Variants in XPO5 observed in about 807,000 individuals in gnomAD.
XPO5 encodes the protein exportin-5.
Under a neutral mutation model 160.6 loss-of-function variants are expected in XPO5, and 46 were observed. The observed-to-expected ratio is 0.29, with a 90% CI of 0.23 to 0.37. The LOEUF is 0.37. Among genes scored for constraint, XPO5 ranks in the 10% least tolerant of loss-of-function variants. The pLI, the probability that XPO5 is intolerant of heterozygous loss-of-function variation, is 1.00. For missense variants in XPO5, 1,090 were observed against 1,463.9 expected, an observed-to-expected ratio of 0.74 and a Z score of 4.17; for synonymous variants, 537 against 519.3, an observed-to-expected ratio of 1.03 and a Z score of -0.46.
At chr6:43,556,545 T>G (rs1349685769) in intron 12 of XPO5, among the ~76,000 whole-genome samples, 1 of 151,756 alleles carries the variant, frequency 6.6e-6, no homozygotes, top group Non-Finnish European at 1.5e-5. Context: ...AAAAAAAATT[T>G]TTAAAAAGTA....
intron 12 of XPO5, among the ~76,000 whole-genome samples, chr6:43,557,297 G>A (rs1249502808): frequency 2.0e-5 from 3 of 151,220 alleles, no homozygotes; most frequent in East Asian, 1.9e-4. Context: ...ATGATGGCAC[G>A]TGTGTGTAGT....
chr6:43,538,361 G>C (rs1794482513), intron 20 of XPO5, among the ~76,000 whole-genome samples: 1 of 151,836 alleles, frequency 6.6e-6, no homozygotes. Flanking sequence ...ATGTTGGCCA[G>C]GTTGGTCTCA....
Position 43,560,164 on chromosome 6 carries a change from T to G in XPO5, c.1221+14A>C. The G allele has an allele frequency of 5.6e-6, 9 of 1,611,184 alleles. No homozygotes were observed. The highest frequency in any genetic ancestry group is 7.6e-6 in the Non-Finnish European group (9 of 1,178,340). On this transcript the variant is annotated intron_variant, in intron 11 of 31. Coordinates refer to ENST00000265351, the MANE Select transcript of XPO5 (RefSeq NM_020750.3). ...TTCACCTACATTCCACATGTTTAGA[T>G]TCCCATTATATACCTTGACCAAGTT...
In XPO5 at chr6:43,551,469, A is replaced by G; in HGVS notation, c.1573-16T>C. On this transcript the variant is annotated splice_polypyrimidine_tract_variant and intron_variant, in intron 14 of 31. Coordinates refer to ENST00000265351, the MANE Select transcript of XPO5 (RefSeq NM_020750.3). ...CAGGAATTTCCTGTAACAAAGACAT[A>G]AAACAGGTTGACAATGGCTGCCTCC... 1.2e-6 allele frequency: 2 copies of G among 1,607,744 alleles called. No individual in the cohort carries two copies. The highest frequency in any genetic ancestry group is 1.7e-6 in the Non-Finnish European group (2 of 1,177,884).
chr6:43,567,761 A>G (rs944804311), intron 6 of XPO5, among the ~76,000 whole-genome samples: 22 of 151,884 alleles, frequency 1.4e-4, no homozygotes, highest in Admixed American at 1.4e-3. Context: ...AAAATAAAAA[A>G]AATACCCTAA....
chr6:43,541,235 T>C (rs1794676176), intron 20 of XPO5, among the ~76,000 whole-genome samples: 1 of 152,172 alleles, frequency 6.6e-6, no homozygotes, highest in African/African-American at 2.4e-5. Flanking sequence ...TGATTGTACA[T>C]TTAAAAAGCA....
At chr6:43,535,813 CAAAAAAAA>C (rs60341205) in intron 20 of XPO5, among the ~76,000 whole-genome samples, 10 of 71,792 alleles carry the variant, frequency 1.4e-4, no homozygotes, top group Middle Eastern at 0.018. Context: ...GACTCCATCT[CAAAAAAAA>C]AAAAAAAAAA....
chr6:43,525,985 G>A (rs765862995), intron 27 of XPO5, 64 bp from the exon 28 acceptor site: 24 of 1,579,476 alleles, frequency 1.5e-5, no homozygotes, highest in Non-Finnish European at 1.9e-5. Context: ...ATCTTGTTCT[G>A]ACAGAAGCGC....
intron 6 of XPO5, 54 bp downstream of exon 6, chr6:43,568,657 C>T (rs778835534): frequency 3.4e-5 from 50 of 1,464,840 alleles, no homozygotes; most frequent in Non-Finnish European, 4.6e-5. Flanking sequence ...GGGCACGTAT[C>T]CCCTCACCTG....
rs189011061 is a variant in XPO5 at position 43,569,110 on chromosome 6, T to C, written c.622-373A>G. Among the ~76,000 whole-genome samples the C allele has an allele frequency of 1.0e-3, 157 of 152,002 alleles. 3 individuals carry two copies. The East Asian group carries it at 0.029, about 28-fold the overall frequency. On this transcript the variant is annotated intron_variant, in intron 5 of 31. Coordinates refer to ENST00000265351, the MANE Select transcript of XPO5 (RefSeq NM_020750.3). ...GAGTTTGAGACCAGTCTGGCCAACA[T>C]GGTGAAACCCCATCTCTACTAAAAT...
At chr6:43,550,914 T>G (rs984712785) in intron 15 of XPO5, 1 of 156,362 alleles carries the variant, frequency 6.4e-6, no homozygotes, top group Non-Finnish European at 1.4e-5. Context: ...TATACAAGTC[T>G]TCATTGCAAT....
chr6:43,542,535 G>C (rs918723884), intron 20 of XPO5, among the ~76,000 whole-genome samples: 1 of 152,032 alleles, frequency 6.6e-6, no homozygotes, highest in African/African-American at 2.4e-5. Flanking sequence ...TCAGCCTCCT[G>C]AGTAGCTGGG....
At chr6:43,575,316 G>A (rs549076429) in intron 1 of XPO5, among the ~76,000 whole-genome samples, 1 of 152,176 alleles carries the variant, frequency 6.6e-6, no homozygotes, top group Non-Finnish European at 1.5e-5. Context: ...CTCGGTCAGG[G>A]CCAGGGGAGT....
intron 12 of XPO5, among the ~76,000 whole-genome samples, chr6:43,556,445 A>G (rs1237394565): frequency 6.6e-6 from 1 of 151,366 alleles, no homozygotes; most frequent in Non-Finnish European, 1.5e-5. Flanking sequence ...GGATCAGCTG[A>G]GCCCAGGGAG....
chr6:43,564,786 G>A (rs910977178), intron 8 of XPO5, among the ~76,000 whole-genome samples: 7 of 151,844 alleles, frequency 4.6e-5, no homozygotes, highest in Non-Finnish European at 1.0e-4. Context: ...GTATTTTTTT[G>A]TAGAGATGGA....
At position 43,546,886 on chromosome 6, in the gene XPO5, G is replaced by A. The variant is rs539166440; in HGVS notation, c.2161-134C>T. ...AGAATGAAATAATCCTCTGCTCCCCGGCAATCCCCCATCCCTTCCTTTAAG... is the reference window on the plus strand; with the variant it reads ...AGAATGAAATAATCCTCTGCTCCCCAGCAATCCCCCATCCCTTCCTTTAAG... On this transcript the variant is annotated intron_variant, in intron 19 of 31. Transcript: ENST00000265351. The A allele has an allele frequency of 1.2e-4, 102 of 885,742 alleles. No homozygotes were observed. In the African/African-American group the frequency reaches 1.6e-3, roughly 14 times the overall value. The allele number at this position is 885,742 out of a possible 1,614,324, so 54.9% of individuals were successfully genotyped here.
At position 43,533,891 on chromosome 6, in the gene XPO5, A is replaced by G. The variant is rs1554133329; in HGVS notation, c.2443+16T>C. On this transcript the variant is annotated intron_variant, in intron 21 of 31. Transcript: ENST00000265351. The stretch of plus-strand genomic sequence containing the variant: ...GATAAGATAAACCTTAGGAGAAAAA[A>G]GGTTACATTTCTTACCTAATATAGC... 5.1e-6 allele frequency: 8 copies of G among 1,572,350 alleles called. No individual in the cohort carries two copies. The highest frequency in any genetic ancestry group is 7.0e-6 in the Non-Finnish European group (8 of 1,150,486).
chr6:43,571,970 A>G (rs1331210483), intron 3 of XPO5, among the ~76,000 whole-genome samples: 1 of 152,260 alleles, frequency 6.6e-6, no homozygotes, highest in Non-Finnish European at 1.5e-5. Flanking sequence ...TGTTGAAAAT[A>G]TTTAATCCCC....
intron 20 of XPO5, among the ~76,000 whole-genome samples, chr6:43,536,442 C>G (rs1246992676): frequency 1.3e-5 from 2 of 149,862 alleles, no homozygotes; most frequent in Admixed American, 6.7e-5. Context: ...ATTCACTAAC[C>G]TCATGCTGTA....
Sources: gnomAD v4.1 joint callset for allele counts (sites outside exome capture counted in the v4.1 genomes callset) on GRCh38, gnomAD v4.1.1 for gene constraint, MANE v1.5 for transcripts, NCBI Gene and HGNC (gene_info 2026-07-23, HGNC 2026-07-21) for gene names.